Variants in IL1RAPL1 observed in about 807,000 individuals in gnomAD.
IL1RAPL1 encodes interleukin 1 receptor accessory protein like 1.
IL1RAPL1 carries 3 observed loss-of-function variants against 48.4 expected under a neutral mutation model. That is an observed-to-expected ratio of 0.06 (90% confidence interval 0.03 to 0.16). IL1RAPL1 has a LOEUF of 0.16. Ranked by LOEUF, IL1RAPL1 falls within the 10% of genes least tolerant of loss-of-function variation. The probability of loss-of-function intolerance (pLI) is 1.00; values close to 1 mark genes in which losing one functional copy is unlikely to be tolerated. For synonymous variants in IL1RAPL1, 185 were observed against 187.7 expected, an observed-to-expected ratio of 0.99 and a Z score of 0.12; for missense variants, 349 against 530.6, an observed-to-expected ratio of 0.66 and a Z score of 3.36.
chrX:29,896,462 A>C (rs1019841887), intron 6 of IL1RAPL1, among the ~76,000 whole-genome samples: 2 of 112,304 alleles, frequency 1.8e-5, no homozygotes, highest in Non-Finnish European at 3.8e-5. Flanking sequence ...AGGTGTGTGC[A>C]TGTGTGGAGT....
chrX:29,185,090 T>C (rs1930225142), intron 2 of IL1RAPL1, among the ~76,000 whole-genome samples: 1 of 112,213 alleles, frequency 8.9e-6, no homozygotes, highest in South Asian at 3.7e-4. Context: ...TTTATCACTT[T>C]CAGTAACACC....
At chrX:29,236,726 A>ATTT (rs386416818) in intron 2 of IL1RAPL1, among the ~76,000 whole-genome samples, 1 of 87,124 alleles carries the variant, frequency 1.1e-5, no homozygotes, top group Non-Finnish European at 2.2e-5. Context: ...CGCCTGGCTA[A>ATTT]TTTTTTTTTT....
At chrX:29,231,341 C>A (rs139848222) in intron 2 of IL1RAPL1, among the ~76,000 whole-genome samples, 171 of 111,398 alleles carry the variant, frequency 1.5e-3, no homozygotes, top group Non-Finnish European at 2.5e-3. Flanking sequence ...AGTTTGCAAC[C>A]GGTTCTGATA....
At chrX:29,311,407 T>A (rs1932722135) in intron 3 of IL1RAPL1, among the ~76,000 whole-genome samples, 3 of 112,007 alleles carry the variant, frequency 2.7e-5, no homozygotes. Flanking sequence ...AAGATCGTTT[T>A]CAGGAATACT....
At chrX:28,851,203 C>T (rs889206029) in intron 2 of IL1RAPL1, among the ~76,000 whole-genome samples, 1 of 109,016 alleles carries the variant, frequency 9.2e-6, no homozygotes, top group Non-Finnish European at 1.9e-5. Flanking sequence ...GCCTGTTATC[C>T]AGGATCAAGA....
chrX:28,746,229 C>A (rs1036211318), intron 1 of IL1RAPL1, among the ~76,000 whole-genome samples: 1 of 111,221 alleles, frequency 9.0e-6, no homozygotes, highest in Non-Finnish European at 1.9e-5. Context: ...CCATCATTCT[C>A]AGCAAACACA....
At chrX:29,080,223 C>CA (rs1350764446) in intron 2 of IL1RAPL1, among the ~76,000 whole-genome samples, 1 of 108,942 alleles carries the variant, frequency 9.2e-6, no homozygotes, top group Non-Finnish European at 1.9e-5. Flanking sequence ...CCCATCTCTA[C>CA]AAAAAATTAG....
intron 6 of IL1RAPL1, among the ~76,000 whole-genome samples, chrX:29,809,508 G>A (rs1294002809): frequency 1.8e-5 from 2 of 111,042 alleles, no homozygotes; most frequent in African/African-American, 3.3e-5. Context: ...ATCTTTACTC[G>A]CCTTCAGAAC....
intron 2 of IL1RAPL1, among the ~76,000 whole-genome samples, chrX:29,270,553 C>G (rs1932025508): frequency 9.0e-6 from 1 of 111,695 alleles, no homozygotes; most frequent in Non-Finnish European, 1.9e-5. Flanking sequence ...ACTGAATTGC[C>G]TTTTTGCTTT....
intron 2 of IL1RAPL1, among the ~76,000 whole-genome samples, chrX:28,902,259 C>T (rs1286075092): frequency 9.0e-6 from 1 of 110,711 alleles, no homozygotes; most frequent in Non-Finnish European, 1.9e-5. Flanking sequence ...GCAACCTCCA[C>T]CTCCCTGGCT....
chrX:28,716,471 C>T (rs770745204), intron 1 of IL1RAPL1, among the ~76,000 whole-genome samples: 15 of 111,569 alleles, frequency 1.3e-4, no homozygotes, highest in Non-Finnish European at 2.8e-4. Context: ...ACTGTCTGGC[C>T]ATATGCAGAA....
At chrX:29,908,585 A>T (rs962511958) in intron 6 of IL1RAPL1, among the ~76,000 whole-genome samples, 3 of 110,833 alleles carry the variant, frequency 2.7e-5, no homozygotes, top group Admixed American at 9.6e-5. Context: ...CATTTGATCT[A>T]TAGGATAGTG....
chrX:28,986,627 A>C (rs756128224), intron 2 of IL1RAPL1, among the ~76,000 whole-genome samples: 8 of 112,386 alleles, frequency 7.1e-5, no homozygotes, highest in Non-Finnish European at 1.3e-4. Context: ...AAATTATAAC[A>C]TACAAGGGAG....
chrX:29,557,861 A>C (rs1922054765), intron 5 of IL1RAPL1, among the ~76,000 whole-genome samples: 1 of 111,205 alleles, frequency 9.0e-6, no homozygotes, highest in African/African-American at 3.3e-5. Flanking sequence ...TTTTTTTTAA[A>C]AAAAAATGCT....
At chrX:29,742,541 G>C (rs776468037) in intron 6 of IL1RAPL1, among the ~76,000 whole-genome samples, 14 of 107,710 alleles carry the variant, frequency 1.3e-4, no homozygotes, top group Non-Finnish European at 2.3e-4. Context: ...CAAAGTAAAT[G>C]GTGGGAAAAA....
intron 2 of IL1RAPL1, among the ~76,000 whole-genome samples, chrX:29,059,746 C>G (rs1380851919): frequency 9.0e-6 from 1 of 111,718 alleles, no homozygotes; most frequent in Non-Finnish European, 1.9e-5. Context: ...AAAACACTAT[C>G]ACACCATGCA....
chrX:29,699,036 A>G (rs1169808967), intron 6 of IL1RAPL1, among the ~76,000 whole-genome samples: 1 of 112,249 alleles, frequency 8.9e-6, no homozygotes, highest in Non-Finnish European at 1.9e-5. Context: ...GTAGCATAAG[A>G]TTATGTATCT....
intron 2 of IL1RAPL1, among the ~76,000 whole-genome samples, chrX:29,047,582 A>G (rs1026261294): frequency 8.9e-6 from 1 of 112,365 alleles, no homozygotes; most frequent in Admixed American, 9.4e-5. Flanking sequence ...CTGACTGGAA[A>G]GGATTTGGGA....
At chrX:29,929,726 G>T (rs145379787) in intron 8 of IL1RAPL1, among the ~76,000 whole-genome samples, 1,747 of 111,465 alleles carry the variant, frequency 0.016, 36 homozygotes, top group African/African-American at 0.054. Flanking sequence ...AAGCCTGAAA[G>T]TATTAAATAT....
Sources: gnomAD v4.1 joint callset for allele counts (sites outside exome capture counted in the v4.1 genomes callset) on GRCh38, gnomAD v4.1.1 for gene constraint, MANE v1.5 for transcripts, NCBI Gene and HGNC (gene_info 2026-07-23, HGNC 2026-07-21) for gene names.